The following USP48 variants were observed in gnomAD, a reference collection of about 807,000 sequenced individuals.
The protein encoded by USP48 is ubiquitin specific peptidase 48, also known as ubiquitin carboxyl-terminal hydrolase 48.
Under a neutral mutation model 150.7 loss-of-function variants are expected in USP48, and 43 were observed. That is an observed-to-expected ratio of 0.29 (90% CI 0.22 to 0.37). The LOEUF is 0.37. Ranked by LOEUF, USP48 falls within the 10% of genes least tolerant of loss-of-function variation. USP48 has a pLI of 1.00. For synonymous variants in USP48, 396 were observed against 425.9 expected, an observed-to-expected ratio of 0.93 and a Z score of 0.86; for missense variants, 813 against 1,249.6, an observed-to-expected ratio of 0.65 and a Z score of 5.27.
chr1:21,728,819 G>C, intron 10 of USP48, 100 bp from the exon 11 acceptor site: 3 of 1,400,964 alleles, frequency 2.1e-6, no homozygotes, highest in Non-Finnish European at 2.9e-6. Flanking sequence ...TTAAAACATT[G>C]GCAGAAATTC....
intron 19 of USP48, chr1:21,704,629 T>A (rs983071548): frequency 2.6e-6 from 1 of 385,824 alleles, no homozygotes; most frequent in Admixed American, 4.3e-5. Context: ...CTCAAAAACA[T>A]AATTGAGTAA....
intron 1 of USP48, among the ~76,000 whole-genome samples, chr1:21,762,267 C>T (rs1036519960): frequency 3.4e-5 from 5 of 148,934 alleles, no homozygotes; most frequent in African/African-American, 1.3e-4. Context: ...CGAGACTCGT[C>T]TCAAAAAAAA....
In USP48 at chr1:21,679,045, C is replaced by T. The variant is rs867217351; in HGVS notation, c.*372G>A. 1.8e-5 allele frequency: 6 copies of T among 340,990 alleles called. No homozygotes were observed. Among genetic ancestry groups the T allele is most frequent in the East Asian group, 1.6e-4 (2 of 12,648 alleles). The allele number at this position is 340,990 out of a possible 1,614,324, so 21.1% of individuals were successfully genotyped here. The stretch of plus-strand genomic sequence containing the variant: ...CTTGATACAATCCTTTATGGACCAA[C>T]GCATCTGGTATGAAACTCGAGCAAG... On this transcript the variant is annotated 3_prime_UTR_variant, in exon 27 of 27. Transcript: ENST00000308271.
intron 6 of USP48, 96 bp from the exon 7 acceptor site, chr1:21,748,367 T>C (rs1462493661): frequency 9.4e-6 from 11 of 1,173,730 alleles, no homozygotes; most frequent in African/African-American, 3.1e-5. Flanking sequence ...TTTCAGTTAA[T>C]AGCTCTCACT....
intron 8 of USP48, 31 bp downstream of exon 8, chr1:21,747,036 T>G (rs2097796187): frequency 1.3e-6 from 2 of 1,515,076 alleles, no homozygotes; most frequent in Non-Finnish European, 1.8e-6. Flanking sequence ...CTCTGAGCAT[T>G]ATAATGTTTA....
At chr1:21,702,203 A>G (rs774124678) in intron 21 of USP48, among the ~76,000 whole-genome samples, 2 of 152,176 alleles carry the variant, frequency 1.3e-5, no homozygotes, top group Non-Finnish European at 2.9e-5. Context: ...TGAAGGCCTT[A>G]GTTTATTTAG....
chr1:21,689,327 C>T (rs1165670434), intron 24 of USP48, among the ~76,000 whole-genome samples: 5 of 67,876 alleles, frequency 7.4e-5, no homozygotes, highest in South Asian at 1.1e-3. Flanking sequence ...AAAAAAAAAG[C>T]GGGGGGCGGG....
intron 12 of USP48, 101 bp from the exon 13 acceptor site, chr1:21,721,865 C>G (rs1488139661): frequency 1.3e-6 from 1 of 779,554 alleles, no homozygotes; most frequent in Non-Finnish European, 1.9e-6. Flanking sequence ...CATTCTAAAC[C>G]AAAGTCACAA....
intron 25 of USP48, among the ~76,000 whole-genome samples, chr1:21,684,737 G>A (rs1191244750): frequency 1.3e-5 from 2 of 152,086 alleles, no homozygotes; most frequent in Admixed American, 1.3e-4. Flanking sequence ...GAGAGACAGA[G>A]GTCTAGTCTC....
chr1:21,704,199 C>T (rs1331925924), intron 20 of USP48, 63 bp downstream of exon 20: 4 of 1,565,094 alleles, frequency 2.6e-6, no homozygotes, highest in African/African-American at 1.4e-5. Context: ...AACACTGACA[C>T]ACCCTTTCTT....
At chr1:21,681,028 C>A (rs766687242) in intron 25 of USP48, 194 bp from the exon 26 acceptor site, 12 of 501,950 alleles carry the variant, frequency 2.4e-5, no homozygotes, top group Non-Finnish European at 4.2e-5. Flanking sequence ...CAAAGCAATA[C>A]GTATGCATCA....
intron 6 of USP48, among the ~76,000 whole-genome samples, chr1:21,750,814 G>A (rs1250866992): frequency 3.3e-5 from 5 of 151,816 alleles, no homozygotes; most frequent in Admixed American, 3.3e-4. Context: ...TCCGGGAGGC[G>A]GAGGTTGCAA....
In USP48 at chr1:21,777,689, G is replaced by GAGA. The variant is rs559928814; in HGVS notation, c.134+5132_134+5134dup. Among the ~76,000 whole-genome samples the GAGA allele has an allele frequency of 3.3e-3, 508 of 152,120 alleles. 1 individual carries two copies. Among genetic ancestry groups the GAGA allele is most frequent in the African/African-American group, 0.012 (493 of 41,510 alleles). On this transcript the variant is annotated intron_variant, in intron 1 of 26. Transcript: ENST00000308271. The stretch of plus-strand genomic sequence containing the variant: ...CTTCACTGATAAGAATAAGAAGGCG[G>GAGA]AGAAGAAGAAGAAATTGGACTACAT...
In USP48 at chr1:21,783,066, C is replaced by G. The variant is rs1277070486; in HGVS notation, c.-109G>C. 1 of 1,372,820 alleles carries G rather than the reference C, an allele frequency of 7.3e-7. No individual in the cohort carries two copies. The highest frequency in any genetic ancestry group is 3.5e-5 in the Admixed American group (1 of 28,212). 85.0% of individuals were successfully genotyped at this position (1,372,820 alleles called of 1,614,324 possible). On this transcript the variant is annotated 5_prime_UTR_variant, in exon 1 of 27. Transcript: ENST00000308271. The stretch of plus-strand genomic sequence containing the variant: ...ACCTGCCAGCAAGGAGGACCTGGCG[C>G]TCCTTCAGGCAGCTGGCCAGTCAAT...
At chr1:21,690,294 A>G (rs111694184) in intron 23 of USP48, among the ~76,000 whole-genome samples, 195 bp from the exon 24 acceptor site, 5,790 of 152,224 alleles carry the variant, frequency 0.038, 189 homozygotes, top group Non-Finnish European at 0.054. Flanking sequence ...AACATCCTTA[A>G]GAGGTCTGGT....
intron 3 of USP48, 137 bp from the exon 4 acceptor site, chr1:21,753,256 C>T: frequency 9.9e-7 from 1 of 1,005,766 alleles, no homozygotes; most frequent in Non-Finnish European, 1.4e-6. Context: ...CATTTTAAAA[C>T]TTTAAAAGAA....
intron 16 of USP48, 33 bp downstream of exon 16, chr1:21,706,711 G>T (rs763721353): frequency 6.3e-5 from 102 of 1,609,562 alleles, no homozygotes; most frequent in Non-Finnish European, 8.3e-5. Flanking sequence ...GAGGTGGCAT[G>T]CCATTTCCCC....
intron 11 of USP48, among the ~76,000 whole-genome samples, chr1:21,727,283 A>G (rs2097740929): frequency 6.6e-6 from 1 of 152,228 alleles, no homozygotes; most frequent in Non-Finnish European, 1.5e-5. Context: ...TCTACAATAT[A>G]AGTTTACTGC....
chr1:21,689,980 T>C lies in USP48; in HGVS notation c.3003A>G (p.Leu1001=), dbSNP rs764646788. 42 of 1,613,718 alleles carry C rather than the reference T, an allele frequency of 2.6e-5. No homozygotes were observed. In the Admixed American group the frequency reaches 7.0e-4, roughly 27 times the overall value. ...TAAGGAGCTGTTTACTTACCTTCAA[T>C]AAAATGACAGATTCAGGAATGACGC... ...TLGVIPESVI[L]LKADEPIADY... is the part of the protein sequence containing the mutation. The change falls in exon 24 of 27, where the codon TTA becomes TTG. Residue 1001 remains leucine (L), a synonymous_variant. Coordinates refer to ENST00000308271, the MANE Select transcript of USP48 (RefSeq NM_032236.8).
Sources: allele counts gnomAD v4.1 joint callset (sites outside exome capture counted in the v4.1 genomes callset), GRCh38; gene constraint gnomAD v4.1.1; transcripts MANE v1.5; gene names NCBI Gene and HGNC (gene_info 2026-07-23, HGNC 2026-07-21).